The following ANXA2 variants were observed in gnomAD, a reference collection of about 807,000 sequenced individuals.
ANXA2 encodes the protein annexin A2.
A neutral mutation model predicts 47.3 loss-of-function variants in ANXA2; 28 were observed. The ratio of observed to expected loss-of-function variants is 0.59; its 90% CI spans 0.44 to 0.81. The LOEUF (loss-of-function observed/expected upper bound fraction) is 0.81. ANXA2 is among the 40% of genes least tolerant of loss of function. ANXA2 has a pLI of 0.00. For synonymous variants in ANXA2, 172 were observed against 155.5 expected (o/e 1.11, Z -0.79); for missense variants, 384 against 414.3 (o/e 0.93, Z 0.64).
At chr15:60,395,079 C>T (rs2063063640) in intron 1 of ANXA2, among the ~76,000 whole-genome samples, 1 of 151,842 alleles carries the variant, frequency 6.6e-6, no homozygotes, top group Non-Finnish European at 1.5e-5. Flanking sequence ...TTAAGCAAAA[C>T]TTCCCCGAGG....
In ANXA2 at chr15:60,352,352, G is replaced by C. The variant is rs766974356; in HGVS notation, c.682+31C>G. 6.5e-7 allele frequency: 1 copy of C among 1,544,836 alleles called. No homozygotes were observed. The highest frequency in any genetic ancestry group is 8.9e-7 in the Non-Finnish European group (1 of 1,122,202). On this transcript the variant is annotated intron_variant, in intron 9 of 12. Coordinates refer to ENST00000451270, the MANE Select transcript of ANXA2 (RefSeq NM_004039.3). The surrounding 1 kb of genome is among the most constrained non-coding windows in gnomAD (Gnocchi z 4.2). ...CCAGCCGCCCCAGCCAGGGCCCCAA[G>C]GCACTGAGACTCCCTCAGCACAGTG...
intron 3 of ANXA2, among the ~76,000 whole-genome samples, chr15:60,369,497 C>A (rs2062684446): frequency 6.6e-6 from 1 of 152,214 alleles, no homozygotes; most frequent in Admixed American, 6.5e-5. Flanking sequence ...GGCCGCTGGC[C>A]TGAAGGCATA....
chr15:60,397,015 G>A (rs892859337), intron 1 of ANXA2, among the ~76,000 whole-genome samples: 1 of 152,166 alleles, frequency 6.6e-6, no homozygotes, highest in African/African-American at 2.4e-5. Context: ...GTGGTGGTAA[G>A]AATAGGCATC....
At chr15:60,364,600 C>CT (rs947256645) in intron 3 of ANXA2, 77 bp from the exon 4 acceptor site, 5 of 1,061,336 alleles carry the variant, frequency 4.7e-6, no homozygotes, top group Non-Finnish European at 5.5e-6. Flanking sequence ...GTCAAGCAGA[C>CT]TTTTTCAAAC....
intron 1 of ANXA2, among the ~76,000 whole-genome samples, chr15:60,388,714 G>A (rs972525807): frequency 6.4e-4 from 97 of 150,670 alleles, no homozygotes; most frequent in African/African-American, 2.2e-3. Flanking sequence ...AGATTACAGG[G>A]GTTAGCCACC....
At chr15:60,397,508 G>A (rs1183188747) in intron 1 of ANXA2, among the ~76,000 whole-genome samples, 1 of 152,124 alleles carries the variant, frequency 6.6e-6, no homozygotes, top group East Asian at 1.9e-4. Context: ...GCAGATGGGG[G>A]GCACTTTCTA....
intron 3 of ANXA2, chr15:60,374,516 C>T (rs1458574537): frequency 2.2e-6 from 1 of 455,940 alleles, no homozygotes; most frequent in East Asian, 6.9e-5. Flanking sequence ...TGCCATTGTC[C>T]CTGGGTGAAA....
chr15:60,359,783 A>C (rs1377214632), intron 5 of ANXA2, among the ~76,000 whole-genome samples: 1 of 152,142 alleles, frequency 6.6e-6, no homozygotes, highest in Non-Finnish European at 1.5e-5. Context: ...GAGAAAACAG[A>C]CTCGGAATAA....
chr15:60,349,274 C>T lies in ANXA2; in HGVS notation c.838-77G>A, dbSNP rs183390802. On this transcript the variant is annotated intron_variant, in intron 11 of 12. Coordinates refer to ENST00000451270, the MANE Select transcript of ANXA2 (RefSeq NM_004039.3). ...GAAAGCGTCTACAGGTTGAGCATCC[C>T]TGATCTGAAAATCTGAAATCTAAAA... 139 of 1,525,934 alleles carry T rather than the reference C, an allele frequency of 9.1e-5. No individual in the cohort carries two copies. The Admixed American group carries it at 1.1e-3, about 12-fold the overall frequency. The allele number at this position is 1,525,934 out of a possible 1,614,324, so 94.5% of individuals were successfully genotyped here.
intron 2 of ANXA2, 69 bp downstream of exon 2, chr15:60,385,959 G>A (rs2062927014): frequency 5.9e-6 from 6 of 1,016,684 alleles, no homozygotes; most frequent in Admixed American, 2.1e-5. Context: ...CAAGGATAGA[G>A]AGTAATATGG....
At chr15:60,365,049 A>G (rs1286351698) in intron 3 of ANXA2, among the ~76,000 whole-genome samples, 1 of 147,744 alleles carries the variant, frequency 6.8e-6, no homozygotes, top group African/African-American at 2.5e-5. Context: ...TTAACACGGC[A>G]GTTGTATTTT....
chr15:60,380,502 A>G lies in ANXA2; in HGVS notation c.148+1840T>C, dbSNP rs534513612. On this transcript the variant is annotated intron_variant, in intron 3 of 12. Transcript: ENST00000451270. ...GGTCATTTAAATGCACCAAAAAAAA[A>G]AAAAAAAGAAAAAAGATTGGGCTGG... Among the ~76,000 whole-genome samples the G allele has an allele frequency of 1.5e-3, 233 of 151,906 alleles. 1 individual carries two copies. Among genetic ancestry groups the G allele is most frequent in the African/African-American group, 5.1e-3 (212 of 41,452 alleles).
chr15:60,394,714 GAAAAAA>G (rs67747519), intron 1 of ANXA2: 101,785 of 148,678 alleles, frequency 0.68, 35,463 homozygotes, highest in East Asian at 0.93. Flanking sequence ...AAAAAAAAAA[GAAAAAA>G]AAAAACAGCT....
At chr15:60,350,306 A>G (rs1199926060) in intron 11 of ANXA2, among the ~76,000 whole-genome samples, 1 of 152,158 alleles carries the variant, frequency 6.6e-6, no homozygotes, top group Non-Finnish European at 1.5e-5. Context: ...ATAAATATAT[A>G]CTGAGCACCT....
At chr15:60,354,360 G>T in intron 7 of ANXA2, 147 bp from the exon 8 acceptor site, 1 of 705,642 alleles carries the variant, frequency 1.4e-6, no homozygotes, top group Non-Finnish European at 2.3e-6. Flanking sequence ...ACATAGATGG[G>T]GCCGGGCACG....
At chr15:60,354,956 G>C (rs1309243546) in intron 7 of ANXA2, among the ~76,000 whole-genome samples, 2 of 152,230 alleles carry the variant, frequency 1.3e-5, no homozygotes, top group African/African-American at 2.4e-5. Context: ...TCAGCAAAGA[G>C]TGTGAACGAT....
chr15:60,354,184 A>G lies in ANXA2; in HGVS notation c.558T>C (p.Ile186=), dbSNP rs1191963824. 6.2e-7 allele frequency: 1 copy of G among 1,613,936 alleles called. No homozygotes were observed. The highest frequency in any genetic ancestry group is 1.1e-5 in the South Asian group (1 of 91,058). Residue 186 remains isoleucine (I), a synonymous_variant, in exon 8 of 13, where the codon ATT becomes ATC. Transcript: ENST00000451270. ...CATCTTGGTCAATCAGTTCATAATCAATGACAGAGCCATCCTCTGCTCTTC... is the reference window on the plus strand; with the variant it reads ...CATCTTGGTCAATCAGTTCATAATCGATGACAGAGCCATCCTCTGCTCTTC... ...KGRRAEDGSV[I]DYELIDQDAR...
At chr15:60,365,174 A>G (rs2062578012) in intron 3 of ANXA2, among the ~76,000 whole-genome samples, 1 of 151,728 alleles carries the variant, frequency 6.6e-6, no homozygotes, top group Admixed American at 6.6e-5. Flanking sequence ...AATTAATTTT[A>G]TAACTTTATT....
intron 7 of ANXA2, among the ~76,000 whole-genome samples, chr15:60,354,490 C>T (rs1222837299): frequency 1.3e-5 from 2 of 151,830 alleles, no homozygotes. Context: ...ATTAGCCAGG[C>T]GTGGTGGCAC....
Sources: gnomAD v4.1 joint callset for allele counts (sites outside exome capture counted in the v4.1 genomes callset) on GRCh38, gnomAD v4.1.1 for gene constraint, Gnocchi (gnomAD v3.1) non-coding constraint, MANE v1.5 for transcripts, NCBI Gene and HGNC (gene_info 2026-07-23, HGNC 2026-07-21) for gene names.